LGR4: variants seen among roughly 807,000 people sequenced by gnomAD.
LGR4 encodes leucine rich repeat containing G protein-coupled receptor 4.
A neutral mutation model predicts 84.8 loss-of-function variants in LGR4; 44 were observed. The observed-to-expected ratio is 0.52, with a 90% CI of 0.41 to 0.67. LGR4 has a LOEUF of 0.67. Ranked by LOEUF, LGR4 falls within the 30% of genes least tolerant of loss-of-function variation. The probability of loss-of-function intolerance (pLI) is 0.00; values close to 1 mark genes in which losing one functional copy is unlikely to be tolerated. For synonymous variants in LGR4, 429 were observed against 434.3 expected (o/e 0.99, Z 0.15); for missense variants, 1,032 against 1,131.4 (o/e 0.91, Z 1.26).
chr11:27,443,817 T>TC (rs765432035), intron 1 of LGR4, among the ~76,000 whole-genome samples: 1 of 152,176 alleles, frequency 6.6e-6, no homozygotes, highest in Non-Finnish European at 1.5e-5. Flanking sequence ...TGCAGTTAAA[T>TC]CCAACAGCAG....
intron 1 of LGR4, among the ~76,000 whole-genome samples, chr11:27,445,264 G>A (rs1565095961): frequency 6.6e-6 from 1 of 152,168 alleles, no homozygotes; most frequent in East Asian, 1.9e-4. Flanking sequence ...GCGGGCCAGT[G>A]TGAGAGACTG....
intron 1 of LGR4, among the ~76,000 whole-genome samples, chr11:27,419,958 TA>T (rs1292904073): frequency 5.3e-5 from 8 of 152,032 alleles, no homozygotes; most frequent in Non-Finnish European, 5.9e-5. Context: ...GAAGAGGCAT[TA>T]AAAAAATTTA....
rs1862759767 is a variant in LGR4 at position 27,366,118 on chromosome 11, T to C, written c.*1749A>G. The C allele has an allele frequency of 6.6e-6, 1 of 152,552 alleles. No individual in the cohort carries two copies. Among genetic ancestry groups the C allele is most frequent in the South Asian group, 2.1e-4 (1 of 4,828 alleles). The allele number at this position is 152,552 out of a possible 1,614,324, so 9.4% of individuals were successfully genotyped here. ...TAACCTGAATTTTGGAAAAAACCTT[T>C]TAATTAGGAGTTTCTTACCAAGTTA... On this transcript the variant is annotated 3_prime_UTR_variant, in exon 18 of 18. Coordinates refer to ENST00000379214, the MANE Select transcript of LGR4 (RefSeq NM_018490.5).
intron 2 of LGR4, among the ~76,000 whole-genome samples, chr11:27,412,185 G>A (rs1049819852): frequency 6.6e-6 from 1 of 152,122 alleles, no homozygotes; most frequent in African/African-American, 2.4e-5. Context: ...TTGAAACAAG[G>A]AGAAAATATT....
chr11:27,376,272 G>C, intron 13 of LGR4, 27 bp downstream of exon 13: 1 of 1,359,090 alleles, frequency 7.4e-7, no homozygotes, highest in Admixed American at 2.0e-5. Flanking sequence ...AAAATTTATT[G>C]TCTTTAATAA....
intron 1 of LGR4, among the ~76,000 whole-genome samples, chr11:27,431,565 T>C (rs1173845628): frequency 6.6e-6 from 1 of 152,216 alleles, no homozygotes; most frequent in African/African-American, 2.4e-5. Flanking sequence ...GACGTTTAAA[T>C]GGTCTGCTGT....
intron 1 of LGR4, among the ~76,000 whole-genome samples, chr11:27,447,193 TAAA>T (rs973534885): frequency 1.9e-4 from 29 of 151,012 alleles, no homozygotes; most frequent in African/African-American, 7.1e-4. Context: ...ATAATAATAA[TAAA>T]AAAAAGCGCT....
Position 27,368,435 on chromosome 11 carries a change from A to G in LGR4, c.2288T>C (p.Val763Ala). Residue 763 changes from valine to alanine, a missense_variant, in exon 18 of 18, where the codon GTG (valine) becomes GCG (alanine). Coordinates refer to ENST00000379214, the MANE Select transcript of LGR4 (RefSeq NM_018490.5). ...CAATGGTGCAAATGAAAAAAACGCC[A>G]CAGGGCAGAAAAAGATGCAATTGGT... ...IFTNCIFFCP[V>A]AFFSFAPLIT... 2 of 1,614,218 alleles carry G rather than the reference A, an allele frequency of 1.2e-6. No individual in the cohort carries two copies. Among genetic ancestry groups the G allele is most frequent in the Non-Finnish European group, 1.7e-6 (2 of 1,180,012 alleles).
At chr11:27,387,945 G>A (rs147853212) in intron 4 of LGR4, among the ~76,000 whole-genome samples, 170 of 152,212 alleles carry the variant, frequency 1.1e-3, no homozygotes, top group African/African-American at 3.9e-3. Context: ...TGTGAATTCT[G>A]TGTCATCAAG....
In LGR4 at chr11:27,366,517, T is replaced by C. The variant is rs1179620797; in HGVS notation, c.*1350A>G. On this transcript the variant is annotated 3_prime_UTR_variant, in exon 18 of 18. Transcript: ENST00000379214. ...GTACAGTTTAATTATTAAACTGCAATCTAGCTGGATTTTTTTAGTATATTC... is the reference window on the plus strand; with the variant it reads ...GTACAGTTTAATTATTAAACTGCAACCTAGCTGGATTTTTTTAGTATATTC... The C allele has an allele frequency of 2.6e-5, 4 of 152,648 alleles. No homozygotes were observed. In the East Asian group the frequency reaches 7.7e-4, roughly 29 times the overall value. 9.5% of individuals were successfully genotyped at this position (152,648 alleles called of 1,614,324 possible). A position where few individuals can be genotyped will look rare whatever the true frequency, so the allele number is the denominator to read the frequency against.
At chr11:27,414,646 C>T (rs962953699) in intron 1 of LGR4, among the ~76,000 whole-genome samples, 5 of 151,988 alleles carry the variant, frequency 3.3e-5, no homozygotes, top group African/African-American at 1.2e-4. Flanking sequence ...AAACCCAGGC[C>T]CCAATACTAC....
intron 2 of LGR4, among the ~76,000 whole-genome samples, chr11:27,400,830 A>C (rs1863486731): frequency 6.6e-6 from 1 of 152,098 alleles, no homozygotes; most frequent in African/African-American, 2.4e-5. Flanking sequence ...TGACTTCAAG[A>C]GGACCGGAGG....
At chr11:27,424,749 T>C (rs1019325986) in intron 1 of LGR4, among the ~76,000 whole-genome samples, 1 of 152,100 alleles carries the variant, frequency 6.6e-6, no homozygotes, top group East Asian at 1.9e-4. Flanking sequence ...AGGTTTTTTG[T>C]CTGTTTGTTT....
chr11:27,456,622 A>T (rs1484689845), intron 1 of LGR4, among the ~76,000 whole-genome samples: 1 of 152,200 alleles, frequency 6.6e-6, no homozygotes, highest in African/African-American at 2.4e-5. Context: ...TGATCCTCAT[A>T]TACCATGTAA....
At chr11:27,460,357 A>G (rs1279468157) in intron 1 of LGR4, among the ~76,000 whole-genome samples, 1 of 146,836 alleles carries the variant, frequency 6.8e-6, no homozygotes, top group Non-Finnish European at 1.5e-5. Context: ...ACAAGAAGAT[A>G]AACATAAAGG....
intron 1 of LGR4, among the ~76,000 whole-genome samples, chr11:27,429,894 G>C (rs1272348135): frequency 4.6e-5 from 7 of 152,084 alleles, no homozygotes; most frequent in Non-Finnish European, 1.0e-4. Context: ...ACAGGAAGAG[G>C]GGGGACCTCC....
intron 13 of LGR4, 64 bp from the exon 14 acceptor site, chr11:27,374,110 C>T: frequency 9.6e-7 from 1 of 1,037,408 alleles, no homozygotes; most frequent in Non-Finnish European, 1.5e-6. Context: ...CTTACTTAGA[C>T]TATACTTTAG....
chr11:27,380,203 C>T (rs1183675869), intron 10 of LGR4, 68 bp downstream of exon 10: 2 of 971,038 alleles, frequency 2.1e-6, no homozygotes, highest in Non-Finnish European at 3.2e-6. Context: ...ACTAAAAGAC[C>T]CTGGCACCCT....
At chr11:27,446,815 G>A (rs1398291795) in intron 1 of LGR4, among the ~76,000 whole-genome samples, 6 of 152,068 alleles carry the variant, frequency 3.9e-5, no homozygotes, top group Non-Finnish European at 7.4e-5. Context: ...ACTGGATTAA[G>A]AAAATGTGGC....
Sources: gnomAD v4.1 joint callset for allele counts (sites outside exome capture counted in the v4.1 genomes callset) on GRCh38, gnomAD v4.1.1 for gene constraint, MANE v1.5 for transcripts, NCBI Gene and HGNC (gene_info 2026-07-23, HGNC 2026-07-21) for gene names.